FDFT1: variants seen among roughly 807,000 people sequenced by gnomAD.
The protein encoded by FDFT1 is farnesyl-diphosphate farnesyltransferase 1.
A neutral mutation model predicts 46.8 loss-of-function variants in FDFT1; 68 were observed. The ratio of observed to expected loss-of-function variants is 1.45; its 90% CI spans 1.19 to 1.78. FDFT1 has a LOEUF of 1.78. FDFT1 is among the 40% of genes most tolerant of loss of function. The pLI, the probability that FDFT1 is intolerant of heterozygous loss-of-function variation, is 0.00. For synonymous variants in FDFT1, 351 were observed against 185.1 expected (o/e 1.90, Z -7.28); for missense variants, 928 against 524.4 (o/e 1.77, Z -7.52).
In FDFT1 at chr8:11,821,361, G is replaced by A. The variant is rs536078048; in HGVS notation, c.382-389G>A. Among the ~76,000 whole-genome samples, 59 of 152,318 alleles carry A rather than the reference G, an allele frequency of 3.9e-4. 1 individual carries two copies. In the Middle Eastern group the frequency reaches 0.017, roughly 44 times the overall value. On this transcript the variant is annotated intron_variant, in intron 3 of 7. Coordinates refer to ENST00000220584, the MANE Select transcript of FDFT1 (RefSeq NM_004462.5). ...TAATCCCAGCAGTTTGGGAGGCCAGGGCTAGTGGATCATGAGGTCAGGAAT... is the reference window on the plus strand; with the variant it reads ...TAATCCCAGCAGTTTGGGAGGCCAGAGCTAGTGGATCATGAGGTCAGGAAT...
chr8:11,821,620 G>A, intron 3 of FDFT1, 130 bp from the exon 4 acceptor site: 2 of 1,087,544 alleles, frequency 1.8e-6, no homozygotes, highest in Admixed American at 2.1e-5. Flanking sequence ...AAAAAAATGT[G>A]TGACCTAAAT....
chr8:11,833,771 A>G (rs1444717096), intron 7 of FDFT1, among the ~76,000 whole-genome samples: 3 of 152,202 alleles, frequency 2.0e-5, no homozygotes, highest in Non-Finnish European at 4.4e-5. Context: ...GTAAAGCTGA[A>G]AATATTTTTT....
intron 4 of FDFT1, among the ~76,000 whole-genome samples, chr8:11,824,350 A>G (rs762774410): frequency 2.0e-5 from 3 of 152,236 alleles, no homozygotes; most frequent in East Asian, 1.9e-4. Flanking sequence ...TAAGAGTTGC[A>G]TTTACTGAAA....
chr8:11,817,589 C>T (rs1488960807), intron 3 of FDFT1, among the ~76,000 whole-genome samples: 2 of 152,100 alleles, frequency 1.3e-5, no homozygotes, highest in Non-Finnish European at 1.5e-5. Context: ...CTGGTTTAGT[C>T]TTGGGAGAGT....
At chr8:11,809,490 T>C (rs907103639) in intron 2 of FDFT1, 177 bp from the exon 3 acceptor site, 3 of 1,335,430 alleles carry the variant, frequency 2.2e-6, no homozygotes, top group Admixed American at 3.5e-5. Context: ...ATTACTCTCA[T>C]GTAAGGAAGG....
At chr8:11,802,021 C>A, upstream of FDFT1, 1 of 456,018 alleles carries the variant, frequency 2.2e-6, no homozygotes, top group South Asian at 1.5e-5. Flanking sequence ...CTGGAGAGAT[C>A]TAGGATGAGA....
chr8:11,827,880 C>G (rs1010730600), intron 5 of FDFT1, among the ~76,000 whole-genome samples: 13 of 147,742 alleles, frequency 8.8e-5, no homozygotes, highest in African/African-American at 3.4e-4. Context: ...TCTCTTAAAA[C>G]AAAACAAAAC....
chr8:11,825,796 A>C (rs1326112030), intron 4 of FDFT1, among the ~76,000 whole-genome samples: 1 of 152,196 alleles, frequency 6.6e-6, no homozygotes, highest in Non-Finnish European at 1.5e-5. Context: ...AATACAAGTG[A>C]AAAATAAAAA....
At chr8:11,819,793 G>A (rs1182610661) in intron 3 of FDFT1, among the ~76,000 whole-genome samples, 1 of 152,030 alleles carries the variant, frequency 6.6e-6, no homozygotes, top group African/African-American at 2.4e-5. Context: ...GTCAGAACGT[G>A]CTGCTTTAGC....
intron 3 of FDFT1, among the ~76,000 whole-genome samples, chr8:11,817,221 A>T (rs182762454): frequency 5.9e-4 from 90 of 152,344 alleles, no homozygotes; most frequent in African/African-American, 2.1e-3. Context: ...GATGAAGCCG[A>T]CTTGATCGTG....
upstream of FDFT1, among the ~76,000 whole-genome samples, chr8:11,798,839 T>G (rs555332131): frequency 2.0e-5 from 3 of 152,196 alleles, no homozygotes; most frequent in East Asian, 5.8e-4. Context: ...TCACTGAGCT[T>G]AGATTTCTAG....
At chr8:11,819,490 A>C (rs1305035708) in intron 3 of FDFT1, among the ~76,000 whole-genome samples, 5 of 152,128 alleles carry the variant, frequency 3.3e-5, no homozygotes, top group African/African-American at 9.7e-5. Context: ...TACAACAATC[A>C]TAGCATTGGT....
intron 3 of FDFT1, among the ~76,000 whole-genome samples, chr8:11,814,471 A>C (rs771094365): frequency 5.9e-5 from 9 of 151,680 alleles, no homozygotes; most frequent in Non-Finnish European, 1.0e-4. Context: ...TTCTGTAAAC[A>C]CAGACCAGGT....
Position 11,838,978 on chromosome 8 carries a change from T to C in FDFT1, c.*369T>C, listed in dbSNP as rs919440700. On this transcript the variant is annotated 3_prime_UTR_variant, in exon 8 of 8. Coordinates refer to ENST00000220584, the MANE Select transcript of FDFT1 (RefSeq NM_004462.5). Reference sequence around the variant, plus strand: ...TTAATTTGAAGCACCATTTGAATGTTCGTAATAGTAGAAAATGATGTGAAT... The same window carrying C: ...TTAATTTGAAGCACCATTTGAATGTCCGTAATAGTAGAAAATGATGTGAAT... 5.0e-6 allele frequency: 1 copy of C among 201,388 alleles called. No homozygotes were observed. Among genetic ancestry groups the C allele is most frequent in the South Asian group, 8.2e-5 (1 of 12,154 alleles). 12.5% of individuals were successfully genotyped at this position (201,388 alleles called of 1,614,324 possible).
intron 1 of FDFT1, 149 bp downstream of exon 1, chr8:11,803,080 TC>T (rs1445048155): frequency 1.4e-6 from 2 of 1,439,782 alleles, no homozygotes; most frequent in Non-Finnish European, 1.8e-6. Context: ...CCTCGAGCCT[TC>T]CCCCTGTAGG....
chr8:11,832,559 A>T, intron 7 of FDFT1, among the ~76,000 whole-genome samples: 2 of 146,116 alleles, frequency 1.4e-5, no homozygotes, highest in Non-Finnish European at 1.5e-5. Context: ...CTCAAAAAAA[A>T]AAAAAAAAAA....
intron 1 of FDFT1, 131 bp downstream of exon 1, chr8:11,803,062 C>T (rs1337729451): frequency 6.2e-6 from 9 of 1,455,324 alleles, no homozygotes; most frequent in Non-Finnish European, 8.1e-6. Context: ...GTGTTCCCGT[C>T]CCCCTTTCCT....
exon 1 of FDFT1, chr8:11,795,770 C>G (rs566513560): frequency 6.6e-5 from 10 of 152,202 alleles, no homozygotes; most frequent in Non-Finnish European, 1.3e-4. Context: ...CCAGACGCGC[C>G]GACTTAAGAG....
chr8:11,803,037 A>G, intron 1 of FDFT1, 106 bp downstream of exon 1: 1 of 1,483,826 alleles, frequency 6.7e-7, no homozygotes, highest in African/African-American at 1.4e-5. Context: ...CGCGGCGAGC[A>G]GGGCCGACGC....
Sources: gnomAD v4.1 joint callset for allele counts (sites outside exome capture counted in the v4.1 genomes callset) on GRCh38, gnomAD v4.1.1 for gene constraint, MANE v1.5 for transcripts, NCBI Gene and HGNC (gene_info 2026-07-23, HGNC 2026-07-21) for gene names.